The following COQ6 variants were observed in gnomAD, a reference collection of about 807,000 sequenced individuals.
COQ6 encodes the protein ubiquinone biosynthesis monooxygenase COQ6, mitochondrial.
In COQ6, 45 loss-of-function variants were observed where a neutral mutation model predicts 55.5. The observed-to-expected ratio is 0.81, with a 90% CI of 0.64 to 1.04. The LOEUF (loss-of-function observed/expected upper bound fraction) is 1.04. COQ6 is among the 50% of genes least tolerant of loss of function. The pLI, the probability that COQ6 is intolerant of heterozygous loss-of-function variation, is 0.00. For synonymous variants in COQ6, 206 were observed against 230.5 expected (o/e 0.89, Z 0.96); for missense variants, 550 against 601.3 (o/e 0.91, Z 0.89).
chr14:73,961,958 T>C (rs1254334148), intron 11 of COQ6, 55 bp downstream of exon 11: 5 of 1,600,638 alleles, frequency 3.1e-6, no homozygotes, highest in Non-Finnish European at 4.3e-6. Flanking sequence ...TTCTTTTGCT[T>C]TTTTTTGAAA....
intron 2 of COQ6, among the ~76,000 whole-genome samples, chr14:73,954,719 C>T (rs2056337378): frequency 1.3e-5 from 2 of 150,928 alleles, no homozygotes. Flanking sequence ...CGGCGGATGC[C>T]TGTAGTCCCA....
chr14:73,954,328 AG>A, intron 2 of COQ6, among the ~76,000 whole-genome samples: 2 of 152,316 alleles, frequency 1.3e-5, no homozygotes, highest in South Asian at 4.1e-4. Flanking sequence ...GGCCAGGCAC[AG>A]TCATGTGTAC....
chr14:73,953,594 G>A (rs772614131), intron 2 of COQ6, 25 bp downstream of exon 2: 4 of 1,614,058 alleles, frequency 2.5e-6, no homozygotes, highest in Admixed American at 3.3e-5. Context: ...CTCCTTCAAA[G>A]ATCCAATCTC....
chr14:73,950,058 C>G, upstream of COQ6: 2 of 1,610,192 alleles, frequency 1.2e-6, no homozygotes, highest in Non-Finnish European at 1.7e-6. Context: ...GCGACAGTGA[C>G]AGCGATAGTG....
rs761630783 is a variant in COQ6, at chr14:73,959,334, T to C, written c.784-81T>C. On this transcript the variant is annotated intron_variant, in intron 7 of 11. Transcript: ENST00000334571. ...GAATCTGCCCAGGCTGTTTGTAAGT[T>C]CCCTTTTTGTCTTTTTATGCTTGAG... is the stretch of plus-strand genomic sequence containing the variant. The C allele has an allele frequency of 5.0e-6, 8 of 1,614,068 alleles. No homozygotes were observed. The African/African-American group carries it at 1.1e-4, about 22-fold the overall frequency.
chr14:73,954,219 T>C (rs11629101), intron 2 of COQ6, among the ~76,000 whole-genome samples: 63,784 of 152,138 alleles, frequency 0.42, 14,037 homozygotes, highest in South Asian at 0.49. Context: ...TCCATTGGTT[T>C]CCCACTTTAC....
chr14:73,950,453 T>C lies in COQ6; in HGVS notation c.121T>C (p.Ser41Pro), dbSNP rs1469576011. The change falls in exon 1 of 12, where the codon TCG (serine) becomes CCG (proline). Residue 41 changes from serine (S) to proline (P), a missense_variant. By Grantham distance (74) the Ser-to-Pro change is moderately conservative. Transcript: ENST00000334571. ...STDTVYDVVV[S>P]GGGLVGAAMA... ...AGACACCGTGTATGACGTGGTGGTG[T>C]CGGGTGGAGGCCTGGTGGGCGCTGC... 6 of 1,609,822 alleles carry C rather than the reference T, an allele frequency of 3.7e-6. No homozygotes were observed. The highest frequency in any genetic ancestry group is 4.2e-6 in the Non-Finnish European group (5 of 1,178,630).
chr14:73,955,620 C>T (rs759485664), intron 3 of COQ6, 111 bp downstream of exon 3: 3 of 1,365,088 alleles, frequency 2.2e-6, no homozygotes, highest in South Asian at 1.2e-5. Flanking sequence ...ACAAGGTTCA[C>T]ATTCAGTCCG....
chr14:73,952,114 C>T (rs1430566498), intron 1 of COQ6, among the ~76,000 whole-genome samples: 5 of 73,728 alleles, frequency 6.8e-5, no homozygotes, highest in African/African-American at 1.8e-4. Flanking sequence ...CTGGAGCTAA[C>T]TTTTTTTTTT....
intron 2 of COQ6, among the ~76,000 whole-genome samples, chr14:73,955,172 C>G (rs1240012067): frequency 6.6e-6 from 1 of 151,912 alleles, no homozygotes; most frequent in Non-Finnish European, 1.5e-5. Context: ...CCAGGATGGT[C>G]TCTATCTCCT....
At chr14:73,950,046 C>T, upstream of COQ6, 1 of 1,611,090 alleles carries the variant, frequency 6.2e-7, no homozygotes. Flanking sequence ...ACAGAGGCAG[C>T]AGCGACAGTG....
At chr14:73,952,908 C>T (rs924179753) in intron 1 of COQ6, among the ~76,000 whole-genome samples, 2 of 152,148 alleles carry the variant, frequency 1.3e-5, no homozygotes, top group Non-Finnish European at 2.9e-5. Context: ...AACTCCTGAC[C>T]TCAGGTGATC....
At chr14:73,959,249 G>A (rs915624002) in intron 7 of COQ6, 25 bp downstream of exon 7, 16 of 1,614,072 alleles carry the variant, frequency 9.9e-6, no homozygotes, top group Admixed American at 1.7e-5. Flanking sequence ...TGACCAGTCC[G>A]CCCACATGCA....
rs372667429 is a variant in COQ6, at chr14:73,953,249, A to G, written c.164-186A>G. Among the ~76,000 whole-genome samples the G allele has an allele frequency of 2.6e-5, 4 of 152,208 alleles. No individual in the cohort carries two copies. In the East Asian group the frequency reaches 7.7e-4, roughly 29 times the overall value. ...TTGGAGAAGTCTTACAGTTGTGGGC[A>G]GGGTGGTTCTCATAGCTAAAATGGT... On this transcript the variant is annotated intron_variant, in intron 1 of 11. Coordinates refer to ENST00000334571, the MANE Select transcript of COQ6 (RefSeq NM_182476.3).
rs2056839725 is a variant in COQ6, at chr14:73,963,301, T to C, written c.*302T>C. The C allele has an allele frequency of 2.1e-6, 1 of 470,142 alleles. No individual in the cohort carries two copies. The allele number at this position is 470,142 out of a possible 1,614,324, so 29.1% of individuals were successfully genotyped here. On this transcript the variant is annotated 3_prime_UTR_variant, in exon 12 of 12. Transcript: ENST00000334571. ...GTCTCACTCATTTCCAGTTAATCAT[T>C]TCTAAAGAGAAAATTTACATTTTGT...
intron 5 of COQ6, 116 bp downstream of exon 5, chr14:73,958,393 T>G: frequency 6.4e-7 from 1 of 1,556,446 alleles, no homozygotes. Context: ...AACTTTTGGT[T>G]ATGAGGACCA....
chr14:73,950,080 G>A, upstream of COQ6: 2 of 1,606,498 alleles, frequency 1.2e-6, no homozygotes, highest in South Asian at 1.1e-5. Flanking sequence ...CAGCAGCGGT[G>A]GCAGCGAGAG....
At chr14:73,950,702 A>G in intron 1 of COQ6, 1 of 705,720 alleles carries the variant, frequency 1.4e-6, no homozygotes, top group East Asian at 2.7e-5. Flanking sequence ...AGGGGCGTTC[A>G]GAGTCTGTTC....
chr14:73,956,084 G>A, intron 4 of COQ6, 156 bp downstream of exon 4: 1 of 1,026,760 alleles, frequency 9.7e-7, no homozygotes. Context: ...CAGCACTTTT[G>A]GAGGCTAAGG....
Sources: allele counts gnomAD v4.1 joint callset (sites outside exome capture counted in the v4.1 genomes callset), GRCh38; gene constraint gnomAD v4.1.1; transcripts MANE v1.5; gene names NCBI Gene and HGNC (gene_info 2026-07-23, HGNC 2026-07-21).